PDE3A: variants seen among roughly 807,000 people sequenced by gnomAD.
PDE3A encodes phosphodiesterase 3A.
A neutral mutation model predicts 98.3 loss-of-function variants in PDE3A; 43 were observed. That is an observed-to-expected ratio of 0.44 (90% CI 0.34 to 0.56). The LOEUF (loss-of-function observed/expected upper bound fraction) is 0.56. Among genes scored for constraint, PDE3A ranks in the 20% least tolerant of loss-of-function variants. The pLI is 0.01. For synonymous variants in PDE3A, 663 were observed against 567.9 expected, an observed-to-expected ratio of 1.17 and a Z score of -2.38; for missense variants, 1,427 against 1,440.7, an observed-to-expected ratio of 0.99 and a Z score of 0.15.
At chr12:20,531,246 A>G (rs1475758543) in intron 1 of PDE3A, among the ~76,000 whole-genome samples, 1 of 152,158 alleles carries the variant, frequency 6.6e-6, no homozygotes, top group African/African-American at 2.4e-5. Flanking sequence ...CTAGGTAAAC[A>G]TTTTCCCATA....
intron 2 of PDE3A, among the ~76,000 whole-genome samples, chr12:20,570,129 T>C (rs1408820587): frequency 6.6e-6 from 1 of 152,068 alleles, no homozygotes; most frequent in Non-Finnish European, 1.5e-5. Flanking sequence ...TCTTAAGTTA[T>C]CAACACGGTG....
intron 1 of PDE3A, among the ~76,000 whole-genome samples, chr12:20,385,803 T>G (rs1355503895): frequency 1.4e-5 from 2 of 143,856 alleles, no homozygotes; most frequent in African/African-American, 5.2e-5. Context: ...GTGGGGGGAG[T>G]GGGGAGGTAT....
intron 1 of PDE3A, among the ~76,000 whole-genome samples, chr12:20,380,553 C>G (rs369227586): frequency 6.6e-6 from 1 of 151,720 alleles, no homozygotes; most frequent in Non-Finnish European, 1.5e-5. Context: ...TTGTTATATC[C>G]TCTCACTGAA....
chr12:20,605,187 C>T (rs1248986369), intron 2 of PDE3A, among the ~76,000 whole-genome samples: 1 of 152,138 alleles, frequency 6.6e-6, no homozygotes, highest in Non-Finnish European at 1.5e-5. Flanking sequence ...ACAAATATAA[C>T]AGGCCTAAAG....
rs186124887 is a variant in PDE3A, at chr12:20,616,040, T to C, written c.1270-190T>C. 3.9e-5 allele frequency among the ~76,000 whole-genome samples: 6 copies of C among 152,276 alleles called. No individual in the cohort carries two copies. The East Asian group carries it at 1.2e-3, about 29-fold the overall frequency. The stretch of plus-strand genomic sequence containing the variant: ...CGCCTGACTGCTTATTTTTATAATA[T>C]GCATTCATTTTGGCCAGAGAGTCTT... On this transcript the variant is annotated intron_variant, in intron 3 of 15. Coordinates refer to ENST00000359062, the MANE Select transcript of PDE3A (RefSeq NM_000921.5).
chr12:20,642,719 G>C (rs920483743), intron 10 of PDE3A, among the ~76,000 whole-genome samples: 5 of 152,130 alleles, frequency 3.3e-5, no homozygotes, highest in South Asian at 2.1e-4. Context: ...CCTATATTTA[G>C]TTCAGTTCAA....
At chr12:20,440,869 A>G (rs976619482) in intron 1 of PDE3A, among the ~76,000 whole-genome samples, 1 of 152,164 alleles carries the variant, frequency 6.6e-6, no homozygotes, top group East Asian at 1.9e-4. Context: ...TCAATATGCC[A>G]TGCCATTTTA....
chr12:20,651,908 T>A (rs1216604249), intron 14 of PDE3A, among the ~76,000 whole-genome samples: 1 of 151,790 alleles, frequency 6.6e-6, no homozygotes, highest in East Asian at 1.9e-4. Context: ...CCTAATGCTA[T>A]CCCTCCCTCC....
At chr12:20,615,356 C>T (rs936667068) in intron 3 of PDE3A, among the ~76,000 whole-genome samples, 8 of 152,082 alleles carry the variant, frequency 5.3e-5, no homozygotes, top group Non-Finnish European at 1.0e-4. Context: ...TGGCCAGCAG[C>T]GTCTCCTATT....
chr12:20,501,109 C>G (rs148054926), intron 1 of PDE3A, among the ~76,000 whole-genome samples: 2 of 152,118 alleles, frequency 1.3e-5, no homozygotes, highest in East Asian at 1.9e-4. Context: ...ATAAGTATTA[C>G]AGCTAAACAA....
At chr12:20,673,268 C>T (rs1945539664) in intron 15 of PDE3A, among the ~76,000 whole-genome samples, 1 of 151,208 alleles carries the variant, frequency 6.6e-6, no homozygotes, top group Admixed American at 6.6e-5. Context: ...TAAACTAGTT[C>T]AACCATTGTG....
chr12:20,470,565 T>C (rs1945419478), intron 1 of PDE3A, among the ~76,000 whole-genome samples: 1 of 152,202 alleles, frequency 6.6e-6, no homozygotes, highest in African/African-American at 2.4e-5. Flanking sequence ...TGTTATAATT[T>C]ACAACACTTT....
chr12:20,573,188 A>C (rs1942844248), intron 2 of PDE3A, among the ~76,000 whole-genome samples: 1 of 152,178 alleles, frequency 6.6e-6, no homozygotes, highest in Non-Finnish European at 1.5e-5. Context: ...TAAAGGAAAA[A>C]GAAAGCAACA....
intron 1 of PDE3A, among the ~76,000 whole-genome samples, chr12:20,453,552 C>T (rs1323319045): frequency 6.6e-6 from 1 of 151,828 alleles, no homozygotes; most frequent in Admixed American, 6.6e-5. Flanking sequence ...AAAGAGAGAA[C>T]GATGATTTGT....
At chr12:20,598,048 C>G (rs1943506649) in intron 2 of PDE3A, among the ~76,000 whole-genome samples, 1 of 151,838 alleles carries the variant, frequency 6.6e-6, no homozygotes, top group Admixed American at 6.6e-5. Flanking sequence ...CTCTGTTTTC[C>G]AAAAATATTT....
In PDE3A at chr12:20,635,104, C is replaced by G. The variant is rs1019976637; in HGVS notation, c.2001+48C>G. 2.0e-6 allele frequency: 3 copies of G among 1,512,258 alleles called. No individual in the cohort carries two copies. In the South Asian group the frequency reaches 3.5e-5, roughly 18 times the overall value. The allele number at this position is 1,512,258 out of a possible 1,614,324, so 93.7% of individuals were successfully genotyped here. ...ACTCATTTACTTGAGAGATGAGCTT[C>G]TGTTACAGATATTGGCTCAGAAATG... is the stretch of plus-strand genomic sequence containing the variant. On this transcript the variant is annotated intron_variant, in intron 8 of 15. Transcript: ENST00000359062.
Position 20,422,700 on chromosome 12 carries a change from C to T in PDE3A, c.960+52456C>T, listed in dbSNP as rs535395106. On this transcript the variant is annotated intron_variant, in intron 1 of 15. Coordinates refer to ENST00000359062, the MANE Select transcript of PDE3A (RefSeq NM_000921.5). Reference sequence around the variant, plus strand: ...CATATAGACTTAGTGTATCATGTCCCCATTCTTCCAAGAAAATAGGCAAAT... The same window carrying T: ...CATATAGACTTAGTGTATCATGTCCTCATTCTTCCAAGAAAATAGGCAAAT... Among the ~76,000 whole-genome samples the T allele has an allele frequency of 1.8e-4, 27 of 152,218 alleles. No individual in the cohort carries two copies. The South Asian group carries it at 3.1e-3, about 18-fold the overall frequency.
At chr12:20,587,506 T>A (rs1215782495) in intron 2 of PDE3A, among the ~76,000 whole-genome samples, 1 of 152,256 alleles carries the variant, frequency 6.6e-6, no homozygotes, top group Admixed American at 6.5e-5. Context: ...AGAATTTTAC[T>A]ATTTCTTTGA....
chr12:20,398,310 T>G (rs1944057139), intron 1 of PDE3A, among the ~76,000 whole-genome samples: 1 of 151,448 alleles, frequency 6.6e-6, no homozygotes, highest in African/African-American at 2.4e-5. Flanking sequence ...TTTTTTTTTT[T>G]TGCCTTTAGT....
Sources: allele counts gnomAD v4.1 joint callset (sites outside exome capture counted in the v4.1 genomes callset), GRCh38; gene constraint gnomAD v4.1.1; transcripts MANE v1.5; gene names NCBI Gene and HGNC (gene_info 2026-07-23, HGNC 2026-07-21).